NMT2: variants seen among roughly 807,000 people sequenced by gnomAD.
NMT2 encodes the protein N-myristoyltransferase 2, also known as glycylpeptide N-tetradecanoyltransferase 2.
In NMT2, 35 loss-of-function variants were observed where a neutral mutation model predicts 65.4. The ratio of observed to expected loss-of-function variants is 0.54; its 90% CI spans 0.41 to 0.71. NMT2 has a LOEUF of 0.71. Among genes scored for constraint, NMT2 ranks in the 30% least tolerant of loss-of-function variants. The probability of loss-of-function intolerance (pLI) is 0.00; values close to 1 mark genes in which losing one functional copy is unlikely to be tolerated. For missense variants in NMT2, 489 were observed against 611.3 expected (o/e 0.80, Z 2.11); for synonymous variants, 226 against 231.8 (o/e 0.98, Z 0.23).
At chr10:15,167,502 T>C (rs1392531633) in intron 1 of NMT2, among the ~76,000 whole-genome samples, 1 of 152,188 alleles carries the variant, frequency 6.6e-6, no homozygotes, top group Non-Finnish European at 1.5e-5. Context: ...TCTCCATCAC[T>C]CACCATGGTT....
intron 2 of NMT2, 102 bp from the exon 3 acceptor site, chr10:15,135,520 A>C: frequency 8.5e-7 from 1 of 1,181,440 alleles, no homozygotes; most frequent in Non-Finnish European, 1.2e-6. Flanking sequence ...ATACCTAAAC[A>C]CTAACAATCC....
intron 6 of NMT2, among the ~76,000 whole-genome samples, chr10:15,131,888 TG>T (rs1846299249): frequency 6.6e-6 from 1 of 151,994 alleles, no homozygotes; most frequent in Admixed American, 6.6e-5. Flanking sequence ...TTTTTTGAGA[TG>T]AAGTCTTGCT....
intron 3 of NMT2, 103 bp from the exon 4 acceptor site, chr10:15,133,466 G>T: frequency 1.2e-6 from 1 of 822,712 alleles, no homozygotes; most frequent in Non-Finnish European, 2.1e-6. Flanking sequence ...AGCAAAATCT[G>T]ACTTAGGGCC....
chr10:15,141,018 G>T, intron 2 of NMT2: 1 of 1,550,920 alleles, frequency 6.4e-7, no homozygotes, highest in Non-Finnish European at 8.7e-7. Flanking sequence ...TCTGCTGCCA[G>T]ATGGTGTTGT....
At position 15,161,096 on chromosome 10, in the gene NMT2, A is replaced by C. The variant is rs1468979219; in HGVS notation, c.110+7407T>G. Among the ~76,000 whole-genome samples, 57 of 149,502 alleles carry C rather than the reference A, an allele frequency of 3.8e-4. 2 individuals are homozygous for C. The highest frequency in any genetic ancestry group is 1.3e-3 in the African/African-American group (53 of 40,982). On this transcript the variant is annotated intron_variant, in intron 1 of 11. Coordinates refer to ENST00000378165, the MANE Select transcript of NMT2 (RefSeq NM_004808.3). The stretch of plus-strand genomic sequence containing the variant: ...CCTCAAAAATCAAAAAAAAAAAAAA[A>C]AAAAAAAAAAAAAACACAAAGAAAA...
intron 1 of NMT2, 96 bp from the exon 2 acceptor site, chr10:15,141,653 T>G: frequency 7.0e-7 from 1 of 1,429,908 alleles, no homozygotes; most frequent in South Asian, 1.4e-5. Flanking sequence ...AAAACACAGC[T>G]GTTACATGCA....
chr10:15,134,032 C>T (rs1157588086), intron 3 of NMT2, among the ~76,000 whole-genome samples: 2 of 152,208 alleles, frequency 1.3e-5, no homozygotes, highest in Non-Finnish European at 1.5e-5. Flanking sequence ...TTTCATTCAA[C>T]AGCCTTGGGA....
At chr10:15,166,937 A>G (rs1273341670) in intron 1 of NMT2, among the ~76,000 whole-genome samples, 1 of 152,220 alleles carries the variant, frequency 6.6e-6, no homozygotes, top group Non-Finnish European at 1.5e-5. Context: ...TAGAATATCA[A>G]TCAAAGGAGG....
intron 10 of NMT2, among the ~76,000 whole-genome samples, chr10:15,112,216 ATTTTTTTTTTTTTTTTTTT>A (rs869310724): frequency 1.1e-3 from 14 of 12,258 alleles, no homozygotes; most frequent in African/African-American, 2.8e-3. Context: ...ATATATATAT[ATTTTTTTTTTTTTTTTTTT>A]TTTTTTTTTT....
At chr10:15,158,588 G>A (rs963382274) in intron 1 of NMT2, among the ~76,000 whole-genome samples, 1 of 152,140 alleles carries the variant, frequency 6.6e-6, no homozygotes. Context: ...AAGGTACCAG[G>A]TATTGCAAGG....
chr10:15,146,809 C>T (rs1254748828), intron 1 of NMT2, among the ~76,000 whole-genome samples: 1 of 152,096 alleles, frequency 6.6e-6, no homozygotes, highest in East Asian at 1.9e-4. Flanking sequence ...AGAGTGACAT[C>T]GGGCTGGGTG....
rs529921474 is a variant in NMT2, at chr10:15,163,996, G to A, written c.110+4507C>T. On this transcript the variant is annotated intron_variant, in intron 1 of 11. Coordinates refer to ENST00000378165, the MANE Select transcript of NMT2 (RefSeq NM_004808.3). Reference sequence around the variant, plus strand: ...AGATGGAGACCATCCTGGCTAACATGGTGAAACCCCGTCTCTACTAAAAAT... The same window carrying A: ...AGATGGAGACCATCCTGGCTAACATAGTGAAACCCCGTCTCTACTAAAAAT... Among the ~76,000 whole-genome samples the A allele has an allele frequency of 7.4e-3, 1,124 of 152,040 alleles. 7 individuals are homozygous for A. Among genetic ancestry groups the A allele is most frequent in the Non-Finnish European group, 0.012 (786 of 67,968 alleles).
At chr10:15,112,113 C>G (rs1845537507) in intron 10 of NMT2, among the ~76,000 whole-genome samples, 1 of 133,426 alleles carries the variant, frequency 7.5e-6, no homozygotes, top group South Asian at 2.5e-4. Flanking sequence ...GTTATTCACT[C>G]AACAAAAATA....
Position 15,128,331 on chromosome 10 carries a change from G to A in NMT2, c.999+19C>T. The A allele has an allele frequency of 1.4e-6, 2 of 1,385,770 alleles. No homozygotes were observed. The highest frequency in any genetic ancestry group is 2.1e-6 in the Non-Finnish European group (2 of 974,302). The allele number at this position is 1,385,770 out of a possible 1,614,324, so 85.8% of individuals were successfully genotyped here. A position where few individuals can be genotyped will look rare whatever the true frequency, so the allele number is the denominator to read the frequency against. ...TCAGTTGTTACAGCTTCAAAAAACTGCAAATCATTCTTACTTACATCTGGA... is the reference window on the plus strand; with the variant it reads ...TCAGTTGTTACAGCTTCAAAAAACTACAAATCATTCTTACTTACATCTGGA... On this transcript the variant is annotated intron_variant, in intron 8 of 11. Transcript: ENST00000378165.
At chr10:15,137,469 G>A (rs1429759422) in intron 2 of NMT2, among the ~76,000 whole-genome samples, 5 of 151,962 alleles carry the variant, frequency 3.3e-5, no homozygotes, top group Non-Finnish European at 7.4e-5. Flanking sequence ...TTTTCCTTGG[G>A]TGTCTTTTAA....
rs983491929 is a variant in NMT2 at position 15,119,374 on chromosome 10, C to T, written c.1139G>A (p.Arg380Gln). 9.9e-6 allele frequency: 16 copies of T among 1,614,006 alleles called. No homozygotes were observed. The highest frequency in any genetic ancestry group is 6.7e-5 in the African/African-American group (5 of 74,910). Residue 380 changes from arginine to glutamine, a missense_variant, in exon 9 of 12, where the codon CGG becomes CAG. By Grantham distance (43) the Arg-to-Gln change is conservative. Coordinates refer to ENST00000378165, the MANE Select transcript of NMT2 (RefSeq NM_004808.3). ...TACAAACGTGTCAATAATGTGCTCC[C>T]GGGGGAGGAACCAGTGGGCTACTTC... is the stretch of plus-strand genomic sequence containing the variant. ...EEEVAHWFLP[R>Q]EHIIDTFVVE... is the part of the protein sequence containing the mutation.
chr10:15,152,831 C>G (rs1283587967), intron 1 of NMT2, among the ~76,000 whole-genome samples: 2 of 152,166 alleles, frequency 1.3e-5, no homozygotes, highest in Admixed American at 1.3e-4. Context: ...ACACTGCCTT[C>G]CTAAAACTTA....
chr10:15,125,628 T>TTGTATGTA (rs200867857), intron 8 of NMT2, among the ~76,000 whole-genome samples: 2 of 152,138 alleles, frequency 1.3e-5, no homozygotes, highest in South Asian at 2.1e-4. Context: ...TTTTTGAAGT[T>TTGTATGTA]TGTATGTATG....
chr10:15,118,219 A>T (rs1274675230), intron 9 of NMT2, among the ~76,000 whole-genome samples: 1 of 152,238 alleles, frequency 6.6e-6, no homozygotes, highest in Non-Finnish European at 1.5e-5. Flanking sequence ...AACGCAATAC[A>T]AAGTGTTAGT....
Sources: allele counts gnomAD v4.1 joint callset (sites outside exome capture counted in the v4.1 genomes callset), GRCh38; gene constraint gnomAD v4.1.1; transcripts MANE v1.5; gene names NCBI Gene and HGNC (gene_info 2026-07-23, HGNC 2026-07-21).